Variants in MBNL2 observed in about 807,000 individuals in gnomAD.
MBNL2 encodes the protein muscleblind-like protein 2.
In MBNL2, 17 loss-of-function variants were observed where a neutral mutation model predicts 41.9. The ratio of observed to expected loss-of-function variants is 0.41; its 90% CI spans 0.28 to 0.61. The LOEUF is 0.61. MBNL2 is among the 20% of genes least tolerant of loss of function. The pLI is 0.35. For synonymous variants in MBNL2, 195 were observed against 182.9 expected, an observed-to-expected ratio of 1.07 and a Z score of -0.53; for missense variants, 336 against 505.6, an observed-to-expected ratio of 0.66 and a Z score of 3.22.
intron 1 of MBNL2, among the ~76,000 whole-genome samples, chr13:97,264,824 A>G (rs151078671): frequency 6.6e-6 from 1 of 152,214 alleles, no homozygotes; most frequent in Admixed American, 6.5e-5. Flanking sequence ...CGGGGAAGGA[A>G]ATGGAAGTTC....
At chr13:97,204,063 G>T in the MBNL2 span, among the ~76,000 whole-genome samples, 2 of 152,150 alleles carry the variant, frequency 1.3e-5, no homozygotes, top group Non-Finnish European at 2.9e-5. Context: ...AGTGGCAAAG[G>T]CCAGTTCCCT....
chr13:97,267,630 T>C (rs373327550), intron 1 of MBNL2, among the ~76,000 whole-genome samples: 5 of 152,162 alleles, frequency 3.3e-5, no homozygotes, highest in African/African-American at 1.2e-4. Flanking sequence ...CTCAGGCAAG[T>C]GTCCGTAAAA....
chr13:97,358,231 A>G (rs1195034144), intron 7 of MBNL2, among the ~76,000 whole-genome samples: 1 of 152,194 alleles, frequency 6.6e-6, no homozygotes, highest in Non-Finnish European at 1.5e-5. Context: ...TAAAAGATCC[A>G]TTGTAATAGT....
rs577463022 is a variant in MBNL2 at position 97,347,511 on chromosome 13, CAG to C, written c.804+449_804+450del. 3.9e-3 allele frequency among the ~76,000 whole-genome samples: 595 copies of C among 152,342 alleles called. 5 individuals carry two copies. The highest frequency in any genetic ancestry group is 0.013 in the African/African-American group (535 of 41,574). On this transcript the variant is annotated intron_variant, in intron 5 of 8. Transcript: ENST00000679496. ...GGACATCTGTGGCCTAAGAGAAGCCCAGAGAGTGATTTGGCTTTTCGCTACTC... is the reference window on the plus strand; with the variant it reads ...GGACATCTGTGGCCTAAGAGAAGCCCAGAGTGATTTGGCTTTTCGCTACTC...
At chr13:97,229,624 G>C (rs1209615837) in intron 1 of MBNL2, among the ~76,000 whole-genome samples, 1 of 152,124 alleles carries the variant, frequency 6.6e-6, no homozygotes, top group Non-Finnish European at 1.5e-5. Flanking sequence ...TCAGGAAGGA[G>C]GAATAGCATG....
intron 2 of MBNL2, among the ~76,000 whole-genome samples, chr13:97,313,991 T>G (rs2058823050): frequency 6.6e-6 from 1 of 152,182 alleles, no homozygotes; most frequent in African/African-American, 2.4e-5. Flanking sequence ...CATGGAAACC[T>G]CTCAGTAATA....
intron 1 of MBNL2, among the ~76,000 whole-genome samples, chr13:97,272,370 G>C (rs1174374823): frequency 1.3e-5 from 2 of 151,934 alleles, no homozygotes; most frequent in Non-Finnish European, 2.9e-5. Flanking sequence ...CAAATGGGTG[G>C]GTTGCAAAAA....
At chr13:97,154,743 A>T in the MBNL2 span, among the ~76,000 whole-genome samples, 3 of 152,142 alleles carry the variant, frequency 2.0e-5, no homozygotes, top group Non-Finnish European at 4.4e-5. Context: ...GCAGAACTAG[A>T]CACATAGTTG....
chr13:97,343,530 G>A (rs938823486), intron 4 of MBNL2, among the ~76,000 whole-genome samples: 12 of 150,904 alleles, frequency 8.0e-5, no homozygotes, highest in African/African-American at 3.0e-4. Context: ...GATGGCTCCA[G>A]GTCCTGAAGG....
At chr13:97,322,299 G>A (rs1236401725) in intron 2 of MBNL2, among the ~76,000 whole-genome samples, 1 of 152,138 alleles carries the variant, frequency 6.6e-6, no homozygotes, top group Non-Finnish European at 1.5e-5. Flanking sequence ...TGAAAAAAGT[G>A]CAGCTTCCCC....
chr13:97,268,237 G>A lies in MBNL2; in HGVS notation c.-604-7395G>A, dbSNP rs891688916. ...AGCCTCCTGAATAGCTGGGATTACA[G>A]GCGTGCGCCACCATGCACGCCCGGC... On this transcript the variant is annotated intron_variant, in intron 1 of 8. Transcript: ENST00000679496. The surrounding 1 kb of genome is among the most constrained non-coding windows in gnomAD (Gnocchi z 4.6). Among the ~76,000 whole-genome samples, 1 of 152,170 alleles carries A rather than the reference G, an allele frequency of 6.6e-6. No homozygotes were observed. The highest frequency in any genetic ancestry group is 1.5e-5 in the Non-Finnish European group (1 of 68,046).
At position 97,357,651 on chromosome 13, in the gene MBNL2, G is replaced by A. The variant is rs1226714587; in HGVS notation, c.1012+16G>A. The A allele has an allele frequency of 1.2e-6, 2 of 1,612,528 alleles. No homozygotes were observed. The highest frequency in any genetic ancestry group is 1.7e-6 in the Non-Finnish European group (2 of 1,179,294). On this transcript the variant is annotated intron_variant, in intron 7 of 8. Coordinates refer to ENST00000679496, the MANE Select transcript of MBNL2 (RefSeq NM_001382683.1). ...ATTCCAACAGGTATGTGCCCTTACTGCCCTACGTCCTGTGCCCTTCTGGTC... is the reference window on the plus strand; with the variant it reads ...ATTCCAACAGGTATGTGCCCTTACTACCCTACGTCCTGTGCCCTTCTGGTC...
chr13:97,266,004 G>A (rs1453008128), intron 1 of MBNL2, among the ~76,000 whole-genome samples: 1 of 152,146 alleles, frequency 6.6e-6, no homozygotes, highest in Admixed American at 6.5e-5. Context: ...CACTTTGGGA[G>A]GCCGAGGTGG....
At chr13:97,324,907 T>C (rs922990425) in intron 2 of MBNL2, among the ~76,000 whole-genome samples, 15 of 152,188 alleles carry the variant, frequency 9.9e-5, no homozygotes, top group African/African-American at 3.6e-4. Flanking sequence ...TCCTTCTGCC[T>C]GCTTTTTTCT....
chr13:97,369,640 T>A (rs1395469513), intron 8 of MBNL2, among the ~76,000 whole-genome samples: 2 of 152,172 alleles, frequency 1.3e-5, no homozygotes, highest in African/African-American at 4.8e-5. Context: ...AGAAAGAGGA[T>A]AGATGAAAAC....
At chr13:97,260,107 A>G (rs906179645) in intron 1 of MBNL2, among the ~76,000 whole-genome samples, 1 of 152,220 alleles carries the variant, frequency 6.6e-6, no homozygotes, top group Non-Finnish European at 1.5e-5. Flanking sequence ...ACGGTGAGTC[A>G]GAGTAAGGAG....
At chr13:97,306,568 T>C (rs1251421874) in intron 2 of MBNL2, among the ~76,000 whole-genome samples, 1 of 152,246 alleles carries the variant, frequency 6.6e-6, no homozygotes, top group Non-Finnish European at 1.5e-5. Context: ...GTAGACATGA[T>C]GGAGAGGCTG....
intron 1 of MBNL2, among the ~76,000 whole-genome samples, chr13:97,269,359 G>A (rs1390050396): frequency 3.9e-5 from 6 of 152,138 alleles, no homozygotes; most frequent in Non-Finnish European, 7.4e-5. Context: ...GGGCAATGCC[G>A]TTATACATGG....
the MBNL2 span, among the ~76,000 whole-genome samples, chr13:97,156,140 A>G: frequency 1.8e-5 from 2 of 112,268 alleles, no homozygotes. Flanking sequence ...CATTTCTCTG[A>G]TGGCCAGTGA....
Sources: gnomAD v4.1 joint callset for allele counts (sites outside exome capture counted in the v4.1 genomes callset) on GRCh38, gnomAD v4.1.1 for gene constraint, Gnocchi (gnomAD v3.1) non-coding constraint, MANE v1.5 for transcripts, NCBI Gene and HGNC (gene_info 2026-07-23, HGNC 2026-07-21) for gene names.